AKAP7: variants seen among roughly 807,000 people sequenced by gnomAD.
The protein encoded by AKAP7 is A-kinase anchoring protein 7.
In AKAP7, 39 loss-of-function variants were observed where a neutral mutation model predicts 39.5. That is an observed-to-expected ratio of 0.99 (90% CI 0.76 to 1.29). The LOEUF (loss-of-function observed/expected upper bound fraction) is 1.29, where lower values mean the gene tolerates loss of function less well. Among genes scored for constraint, AKAP7 ranks in the 50% most tolerant of loss-of-function variants. The probability of loss-of-function intolerance (pLI) is 0.00; values close to 1 mark genes in which losing one functional copy is unlikely to be tolerated. For missense variants in AKAP7, 414 were observed against 407.7 expected, an observed-to-expected ratio of 1.02 and a Z score of -0.13; for synonymous variants, 140 against 139.1, an observed-to-expected ratio of 1.01 and a Z score of -0.05.
At chr6:131,277,797 G>A (rs1814869119) in intron 7 of AKAP7, among the ~76,000 whole-genome samples, 1 of 152,184 alleles carries the variant, frequency 6.6e-6, no homozygotes, top group South Asian at 2.1e-4. Flanking sequence ...AAATCATAAA[G>A]GGAGGCCAGA....
upstream of AKAP7, among the ~76,000 whole-genome samples, chr6:131,135,348 A>G (rs1800435823): frequency 6.6e-6 from 1 of 152,174 alleles, no homozygotes; most frequent in Non-Finnish European, 1.5e-5. Context: ...TGCAGAGTCG[A>G]GACGACCTGG....
intron 7 of AKAP7, among the ~76,000 whole-genome samples, chr6:131,247,450 C>T (rs1262254426): frequency 5.3e-5 from 8 of 149,890 alleles, no homozygotes; most frequent in South Asian, 2.1e-4. Context: ...CTCAGCCTCC[C>T]GAGTAGCTGG....
chr6:131,126,596 C>A, the AKAP7 span, among the ~76,000 whole-genome samples: 2 of 152,190 alleles, frequency 1.3e-5, no homozygotes, highest in Non-Finnish European at 2.9e-5. Context: ...CTCCTGCATA[C>A]TAGACTTTGG....
chr6:131,168,800 CA>C lies in AKAP7; in HGVS notation c.429-312del, dbSNP rs1380118188. Among the ~76,000 whole-genome samples the C allele has an allele frequency of 2.6e-5, 4 of 151,974 alleles. No individual in the cohort carries two copies. The East Asian group carries it at 7.7e-4, about 29-fold the overall frequency. On this transcript the variant is annotated intron_variant, in intron 4 of 7. Transcript: ENST00000431975. Reference sequence around the variant, plus strand: ...TACTCAGTTTTTTGGGATATATTTTCAGTAATTTTTTGAGTTGTTCATATAA... The same window carrying C: ...TACTCAGTTTTTTGGGATATATTTTCGTAATTTTTTGAGTTGTTCATATAA...
At chr6:131,223,597 C>T (rs552490049) in intron 7 of AKAP7, among the ~76,000 whole-genome samples, 1 of 152,230 alleles carries the variant, frequency 6.6e-6, no homozygotes, top group East Asian at 1.9e-4. Flanking sequence ...GAGGACCAAA[C>T]ATTTCTGTTT....
chr6:131,281,616 C>T lies in AKAP7; in HGVS notation c.937C>T (p.Gln313Ter). The T allele has an allele frequency of 6.2e-7, 1 of 1,613,274 alleles. No homozygotes were observed. Among genetic ancestry groups the T allele is most frequent in the Non-Finnish European group, 8.5e-7 (1 of 1,179,670 alleles). Residue 313 changes from glutamine to a stop codon, truncating the protein, a stop_gained, in exon 8 of 8, where the codon CAG becomes TAG. Transcript: ENST00000431975. LOFTEE classifies it high-confidence loss of function. This position sits in a 1 kb window ranked among gnomAD's most constrained non-coding sequence, Gnocchi z 4.0. ...GGAGAACGCGGTGCTCAAGGCTGTC[C>T]AGCAGTATCTGGAGGAAACACAGAA... ...LVENAVLKAV[Q>*]QYLEETQNKN...
intron 7 of AKAP7, among the ~76,000 whole-genome samples, chr6:131,225,541 A>G (rs1810090988): frequency 6.6e-6 from 1 of 152,182 alleles, no homozygotes; most frequent in Non-Finnish European, 1.5e-5. Flanking sequence ...TTTATATATT[A>G]AGTGTTAAGT....
Position 131,282,187 on chromosome 6 carries a change from T to C in AKAP7, c.*461T>C. The C allele has an allele frequency of 7.8e-7, 1 of 1,277,028 alleles. No individual in the cohort carries two copies. The highest frequency in any genetic ancestry group is 3.2e-5 in the East Asian group (1 of 31,614). 79.1% of individuals were successfully genotyped at this position (1,277,028 alleles called of 1,614,324 possible). On this transcript the variant is annotated 3_prime_UTR_variant, in exon 8 of 8. Transcript: ENST00000431975. ...AATTGTCATCTGTACAATTAGTCCA[T>C]AATGTTTCATGTTTGTCCTAAGTGT...
intron 7 of AKAP7, among the ~76,000 whole-genome samples, chr6:131,266,701 TGTTG>T (rs998407322): frequency 3.4e-5 from 5 of 146,578 alleles, no homozygotes; most frequent in East Asian, 4.3e-4. Context: ...TTGTTGTTGT[TGTTG>T]TTGTTTTTTA....
intron 7 of AKAP7, among the ~76,000 whole-genome samples, chr6:131,229,271 G>T (rs141908727): frequency 1.3e-5 from 2 of 152,188 alleles, no homozygotes; most frequent in African/African-American, 2.4e-5. Flanking sequence ...TAGAAATTTT[G>T]GAAAACTCAC....
At chr6:131,151,194 C>G (rs549878316) in intron 2 of AKAP7, among the ~76,000 whole-genome samples, 1 of 151,790 alleles carries the variant, frequency 6.6e-6, no homozygotes, top group East Asian at 2.0e-4. Context: ...AGGTGCCCAC[C>G]ACCACACTCA....
chr6:131,190,641 T>C (rs1376249636), intron 5 of AKAP7, among the ~76,000 whole-genome samples: 3 of 150,228 alleles, frequency 2.0e-5, no homozygotes, highest in Admixed American at 1.3e-4. Context: ...CGAGATTCTG[T>C]CTTGAAAAAA....
intron 2 of AKAP7, among the ~76,000 whole-genome samples, chr6:131,155,932 C>A (rs576689561): frequency 6.6e-6 from 1 of 152,140 alleles, no homozygotes; most frequent in African/African-American, 2.4e-5. Flanking sequence ...ATGCTCCAGA[C>A]CTGGAATCAG....
At chr6:131,211,772 C>CAAAAAA (rs202168206) in intron 6 of AKAP7, among the ~76,000 whole-genome samples, 18 of 83,836 alleles carry the variant, frequency 2.1e-4, no homozygotes, top group African/African-American at 5.0e-4. Flanking sequence ...GACTCCGTCT[C>CAAAAAA]AAAAAAAAAA....
At chr6:131,154,139 C>T (rs1802199881) in intron 2 of AKAP7, among the ~76,000 whole-genome samples, 2 of 151,986 alleles carry the variant, frequency 1.3e-5, no homozygotes, top group Non-Finnish European at 2.9e-5. Context: ...ACTTGGGAGG[C>T]AGAGGTTGCA....
Position 131,282,113 on chromosome 6 carries a change from ACT to A in AKAP7, c.*391_*392del, listed in dbSNP as rs1391049695. The A allele has an allele frequency of 8.6e-7, 1 of 1,157,496 alleles. No individual in the cohort carries two copies. Among genetic ancestry groups the A allele is most frequent in the African/African-American group, 1.6e-5 (1 of 62,614 alleles). The allele number at this position is 1,157,496 out of a possible 1,614,324, so 71.7% of individuals were successfully genotyped here. On this transcript the variant is annotated 3_prime_UTR_variant, in exon 8 of 8. Coordinates refer to ENST00000431975, the MANE Select transcript of AKAP7 (RefSeq NM_016377.4). ...TTTGACTACTTTATCTGAGGCCAGA[ACT>A]CTCACACACAGCTATCAAGTGCTAA... is the stretch of plus-strand genomic sequence containing the variant.
intron 5 of AKAP7, among the ~76,000 whole-genome samples, chr6:131,192,503 A>C (rs1347320482): frequency 6.6e-6 from 1 of 152,150 alleles, no homozygotes; most frequent in East Asian, 1.9e-4. Context: ...CTGTAGTATA[A>C]TTTGAAGTTA....
chr6:131,203,614 C>T (rs1392942213), intron 6 of AKAP7, among the ~76,000 whole-genome samples: 4 of 152,160 alleles, frequency 2.6e-5, no homozygotes, highest in African/African-American at 7.2e-5. Flanking sequence ...GTTACTCCCT[C>T]ATTACCATCC....
chr6:131,248,315 C>T (rs866412352), intron 7 of AKAP7, among the ~76,000 whole-genome samples: 1 of 152,194 alleles, frequency 6.6e-6, no homozygotes, highest in Non-Finnish European at 1.5e-5. Context: ...AGTTTCATAA[C>T]TGTTAATACC....
Sources: allele counts gnomAD v4.1 joint callset (sites outside exome capture counted in the v4.1 genomes callset), GRCh38; gene constraint gnomAD v4.1.1; non-coding constraint Gnocchi (gnomAD v3.1); transcripts MANE v1.5; gene names NCBI Gene and HGNC (gene_info 2026-07-23, HGNC 2026-07-21).